SLC25A21: variants seen among roughly 807,000 people sequenced by gnomAD.
SLC25A21 encodes mitochondrial 2-oxodicarboxylate carrier.
A neutral mutation model predicts 43.8 loss-of-function variants in SLC25A21; 47 were observed. The ratio of observed to expected loss-of-function variants is 1.07; its 90% CI spans 0.85 to 1.37. SLC25A21 has a LOEUF of 1.37. Among genes scored for constraint, SLC25A21 ranks in the 40% most tolerant of loss-of-function variants. The pLI, the probability that SLC25A21 is intolerant of heterozygous loss-of-function variation, is 0.00. For missense variants in SLC25A21, 352 were observed against 350.2 expected, an observed-to-expected ratio of 1.00 and a Z score of -0.04; for synonymous variants, 131 against 121.3, an observed-to-expected ratio of 1.08 and a Z score of -0.52.
chr14:37,108,577 C>T (rs983069199), intron 1 of SLC25A21, among the ~76,000 whole-genome samples: 1 of 152,068 alleles, frequency 6.6e-6, no homozygotes, highest in Non-Finnish European at 1.5e-5. Flanking sequence ...AGTAATTTAT[C>T]AGACAGAAAA....
intron 1 of SLC25A21, among the ~76,000 whole-genome samples, chr14:37,060,377 C>G (rs902241968): frequency 2.4e-5 from 3 of 124,856 alleles, no homozygotes; most frequent in Non-Finnish European, 5.0e-5. Flanking sequence ...GCACTCTACT[C>G]TCTAATAATA....
At chr14:36,830,175 A>G (rs1452389302) in intron 2 of SLC25A21, among the ~76,000 whole-genome samples, 1 of 152,236 alleles carries the variant, frequency 6.6e-6, no homozygotes, top group African/African-American at 2.4e-5. Context: ...CGAATTCATT[A>G]GATATGTCAT....
chr14:37,142,922 T>A (rs1963595559), intron 1 of SLC25A21, among the ~76,000 whole-genome samples: 2 of 152,182 alleles, frequency 1.3e-5, no homozygotes, highest in African/African-American at 4.8e-5. Context: ...GACTATTATT[T>A]TTTTAGTTGC....
chr14:37,009,668 T>C (rs1960687338), intron 1 of SLC25A21, among the ~76,000 whole-genome samples: 1 of 152,202 alleles, frequency 6.6e-6, no homozygotes, highest in Non-Finnish European at 1.5e-5. Flanking sequence ...CTCTGACTTA[T>C]TTGTTGCCCT....
intron 1 of SLC25A21, among the ~76,000 whole-genome samples, chr14:37,046,980 G>A (rs1008981285): frequency 6.6e-6 from 1 of 152,136 alleles, no homozygotes; most frequent in African/African-American, 2.4e-5. Flanking sequence ...CCTTTTCATA[G>A]TTTGTTTTAG....
chr14:36,935,706 G>C (rs939800368), intron 1 of SLC25A21, among the ~76,000 whole-genome samples: 15 of 152,084 alleles, frequency 9.9e-5, no homozygotes, highest in African/African-American at 2.7e-4. Context: ...AGGAACCTAG[G>C]GGGTGGGATG....
chr14:36,894,603 T>A (rs1594674772), intron 1 of SLC25A21, among the ~76,000 whole-genome samples: 2 of 152,082 alleles, frequency 1.3e-5, no homozygotes, highest in Admixed American at 1.3e-4. Flanking sequence ...AGAGAGGGCA[T>A]CCCTGTCTTG....
chr14:37,060,379 CTAA>C (rs71124787), intron 1 of SLC25A21, among the ~76,000 whole-genome samples: 19,804 of 137,920 alleles, frequency 0.14, 1,511 homozygotes, highest in East Asian at 0.34. Context: ...ACTCTACTCT[CTAA>C]TAATAATAAT....
At chr14:36,961,516 C>T (rs571620923) in intron 1 of SLC25A21, among the ~76,000 whole-genome samples, 5 of 152,154 alleles carry the variant, frequency 3.3e-5, no homozygotes, top group Non-Finnish European at 7.3e-5. Flanking sequence ...ACCTGGAAGA[C>T]GCTTTAAAAA....
At chr14:36,881,078 G>A (rs1890706064) in intron 1 of SLC25A21, among the ~76,000 whole-genome samples, 1 of 152,200 alleles carries the variant, frequency 6.6e-6, no homozygotes, top group Non-Finnish European at 1.5e-5. Flanking sequence ...GTAATTTAGT[G>A]TTGCTGTTGA....
intron 5 of SLC25A21, 50 bp downstream of exon 5, chr14:36,729,457 G>T: frequency 1.5e-6 from 2 of 1,369,010 alleles, no homozygotes; most frequent in African/African-American, 1.5e-5. Flanking sequence ...TCTAGATTTT[G>T]CTTTATGAAA....
At chr14:36,807,159 C>T (rs1888069403) in intron 3 of SLC25A21, 1 of 152,202 alleles carries the variant, frequency 6.6e-6, no homozygotes. Flanking sequence ...ATCTGCATGG[C>T]AGATTATCTG....
intron 1 of SLC25A21, among the ~76,000 whole-genome samples, chr14:37,041,289 A>T (rs1038143838): frequency 1.1e-4 from 17 of 152,170 alleles, no homozygotes; most frequent in African/African-American, 4.1e-4. Flanking sequence ...TTATTTGCAT[A>T]TTTGAACTTA....
chr14:36,787,434 A>G (rs1887291066), intron 3 of SLC25A21, among the ~76,000 whole-genome samples: 1 of 152,206 alleles, frequency 6.6e-6, no homozygotes, highest in Non-Finnish European at 1.5e-5. Flanking sequence ...ATGAAACGCC[A>G]ATGGTTTTAA....
In SLC25A21 at chr14:37,168,445, A is replaced by T. The variant is rs1964067949; in HGVS notation, c.70+3836T>A. ...TACAAACCATCTTCTTATAAAAGAC[A>T]GACCTATATCGTTATAGAAAATACC... On this transcript the variant is annotated intron_variant, in intron 1 of 9. Coordinates refer to ENST00000331299, the MANE Select transcript of SLC25A21 (RefSeq NM_030631.4). Among the ~76,000 whole-genome samples, 2 of 152,156 alleles carry T rather than the reference A, an allele frequency of 1.3e-5. 1 individual carries two copies. The highest frequency in any genetic ancestry group is 1.3e-4 in the Admixed American group (2 of 15,270).
intron 1 of SLC25A21, among the ~76,000 whole-genome samples, chr14:36,904,475 T>C (rs960108841): frequency 3.3e-5 from 5 of 152,318 alleles, no homozygotes; most frequent in African/African-American, 1.2e-4. Flanking sequence ...ATGGAAAATA[T>C]AACTAAGGAA....
chr14:36,992,809 A>C (rs1487333295), intron 1 of SLC25A21, among the ~76,000 whole-genome samples: 1 of 152,208 alleles, frequency 6.6e-6, no homozygotes, highest in Non-Finnish European at 1.5e-5. Flanking sequence ...ATGTTTAAGT[A>C]TAGGTCTAAT....
intron 1 of SLC25A21, among the ~76,000 whole-genome samples, chr14:36,972,483 G>C (rs531421244): frequency 2.0e-5 from 3 of 152,194 alleles, no homozygotes; most frequent in Non-Finnish European, 2.9e-5. Flanking sequence ...TAAACATAAC[G>C]AACTTTAGTG....
intron 1 of SLC25A21, among the ~76,000 whole-genome samples, chr14:37,171,485 C>T (rs947967426): frequency 6.6e-6 from 1 of 151,766 alleles, no homozygotes; most frequent in African/African-American, 2.4e-5. Context: ...GGTTATGAGC[C>T]AATTATGGCA....
Sources: allele counts gnomAD v4.1 joint callset (sites outside exome capture counted in the v4.1 genomes callset), GRCh38; gene constraint gnomAD v4.1.1; transcripts MANE v1.5; gene names NCBI Gene and HGNC (gene_info 2026-07-23, HGNC 2026-07-21).